NEGR1: variants seen among roughly 807,000 people sequenced by gnomAD.
The protein encoded by NEGR1 is neuronal growth regulator 1, also known as IgLON family member 4.
A neutral mutation model predicts 40.9 loss-of-function variants in NEGR1; 10 were observed. The observed-to-expected ratio is 0.24, with a 90% CI of 0.15 to 0.42. NEGR1 has a LOEUF of 0.42. Ranked by LOEUF, NEGR1 falls within the 10% of genes least tolerant of loss-of-function variation. NEGR1 has a pLI of 1.00. For synonymous variants in NEGR1, 185 were observed against 166.8 expected, an observed-to-expected ratio of 1.11 and a Z score of -0.84; for missense variants, 352 against 438.9, an observed-to-expected ratio of 0.80 and a Z score of 1.77.
At chr1:72,123,721 C>G (rs1429195739) in intron 1 of NEGR1, among the ~76,000 whole-genome samples, 1 of 151,718 alleles carries the variant, frequency 6.6e-6, no homozygotes, top group African/African-American at 2.4e-5. Flanking sequence ...AAATCATTAT[C>G]AAAAAGGATG....
chr1:71,926,527 T>C (rs1192268128), intron 2 of NEGR1, among the ~76,000 whole-genome samples: 1 of 151,954 alleles, frequency 6.6e-6, no homozygotes, highest in Non-Finnish European at 1.5e-5. Context: ...TTAGCAAAGA[T>C]GCTTATTTAA....
intron 2 of NEGR1, among the ~76,000 whole-genome samples, chr1:71,818,443 A>G (rs1658308101): frequency 6.6e-6 from 1 of 152,018 alleles, no homozygotes; most frequent in Non-Finnish European, 1.5e-5. Flanking sequence ...AGAAAACCAA[A>G]TACCACATGT....
chr1:72,086,964 AC>A (rs1648246219), intron 1 of NEGR1, among the ~76,000 whole-genome samples: 1 of 152,206 alleles, frequency 6.6e-6, no homozygotes, highest in Admixed American at 6.5e-5. Flanking sequence ...GATTAAAAAA[AC>A]ACATGGTTAG....
chr1:71,542,498 T>A (rs1169317554), intron 6 of NEGR1, among the ~76,000 whole-genome samples: 2 of 151,666 alleles, frequency 1.3e-5, no homozygotes, highest in Non-Finnish European at 3.0e-5. Context: ...TACAGCCTGA[T>A]GAAATTTTAG....
chr1:71,870,344 G>C (rs1428153094), intron 2 of NEGR1, among the ~76,000 whole-genome samples: 1 of 152,056 alleles, frequency 6.6e-6, no homozygotes, highest in Non-Finnish European at 1.5e-5. Context: ...TTTTATCTAA[G>C]GAATTAAAAT....
chr1:71,690,021 G>A (rs1653198964), intron 4 of NEGR1, among the ~76,000 whole-genome samples: 1 of 151,964 alleles, frequency 6.6e-6, no homozygotes, highest in Non-Finnish European at 1.5e-5. Flanking sequence ...CAATTTGGAT[G>A]CTTTTGTCCC....
intron 4 of NEGR1, among the ~76,000 whole-genome samples, chr1:71,697,135 T>C (rs1035170340): frequency 6.6e-6 from 1 of 151,848 alleles, no homozygotes; most frequent in Admixed American, 6.6e-5. Context: ...TGGAACAATT[T>C]CTTCTGATCT....
chr1:71,659,116 C>T (rs916932753), intron 4 of NEGR1, among the ~76,000 whole-genome samples: 3 of 152,276 alleles, frequency 2.0e-5, no homozygotes, highest in Non-Finnish European at 4.4e-5. Flanking sequence ...TTCTTTAACC[C>T]TAGTCAAGTA....
intron 6 of NEGR1, among the ~76,000 whole-genome samples, chr1:71,502,999 C>G (rs578046475): frequency 2.4e-4 from 36 of 152,044 alleles, no homozygotes; most frequent in Non-Finnish European, 4.4e-4. Flanking sequence ...AAAAAGGAAC[C>G]AGAAATTCTA....
At chr1:71,607,612 G>T (rs775206474) in intron 5 of NEGR1, among the ~76,000 whole-genome samples, 1 of 152,202 alleles carries the variant, frequency 6.6e-6, no homozygotes, top group Non-Finnish European at 1.5e-5. Context: ...AGAGTAAAAT[G>T]GGTAAATATT....
intron 2 of NEGR1, chr1:71,794,631 A>G (rs1356334231): frequency 6.6e-6 from 1 of 152,114 alleles, no homozygotes; most frequent in Non-Finnish European, 1.5e-5. Flanking sequence ...TATTAAAATC[A>G]AAATTTTAAA....
At chr1:71,490,640 C>T (rs1569939083) in intron 6 of NEGR1, among the ~76,000 whole-genome samples, 1 of 151,960 alleles carries the variant, frequency 6.6e-6, no homozygotes, top group African/African-American at 2.4e-5. Context: ...GATTGAGTCA[C>T]ACCTTGGCAA....
chr1:71,601,329 T>A (rs549323475), intron 5 of NEGR1, among the ~76,000 whole-genome samples: 2 of 152,288 alleles, frequency 1.3e-5, no homozygotes, highest in East Asian at 3.9e-4. Flanking sequence ...CAGATGTTGG[T>A]GTGGATGTGG....
At chr1:71,898,101 C>T (rs576624550) in intron 2 of NEGR1, among the ~76,000 whole-genome samples, 63 of 152,196 alleles carry the variant, frequency 4.1e-4, no homozygotes, top group African/African-American at 1.4e-3. Context: ...GGAATTACTG[C>T]GAGTCTGTAA....
chr1:72,012,766 C>G (rs1485090116), intron 1 of NEGR1, among the ~76,000 whole-genome samples: 2 of 149,936 alleles, frequency 1.3e-5, no homozygotes, highest in African/African-American at 2.4e-5. Context: ...CTCCACAGAT[C>G]TCATTGATAT....
intron 6 of NEGR1, among the ~76,000 whole-genome samples, chr1:71,420,890 A>C (rs1646389622): frequency 6.6e-6 from 1 of 152,076 alleles, no homozygotes; most frequent in African/African-American, 2.4e-5. Flanking sequence ...ATAGTCTAGT[A>C]AATTATCCAA....
chr1:71,705,379 A>T (rs576377951), intron 3 of NEGR1, among the ~76,000 whole-genome samples: 4 of 152,350 alleles, frequency 2.6e-5, no homozygotes, highest in Non-Finnish European at 5.9e-5. Flanking sequence ...AAAACTATAT[A>T]AGAATATACT....
At chr1:71,811,471 C>T (rs1232955686) in intron 2 of NEGR1, among the ~76,000 whole-genome samples, 3 of 151,922 alleles carry the variant, frequency 2.0e-5, no homozygotes, top group East Asian at 3.9e-4. Flanking sequence ...TAGCTGTACA[C>T]CCTTGGCCCA....
At chr1:71,655,840 C>A (rs182333134) in intron 4 of NEGR1, among the ~76,000 whole-genome samples, 2 of 152,126 alleles carry the variant, frequency 1.3e-5, no homozygotes, top group Non-Finnish European at 2.9e-5. Flanking sequence ...GTTGCCACAA[C>A]GGTCTATTAG....
Sources: gnomAD v4.1 joint callset for allele counts (sites outside exome capture counted in the v4.1 genomes callset) on GRCh38, gnomAD v4.1.1 for gene constraint, MANE v1.5 for transcripts, NCBI Gene and HGNC (gene_info 2026-07-23, HGNC 2026-07-21) for gene names.